The following COL4A2 variants were observed in gnomAD, a reference collection of about 807,000 sequenced individuals.
COL4A2 encodes collagen type IV alpha 2 chain, also known as collagen alpha-2(IV) chain.
COL4A2 carries 99 observed loss-of-function variants against 200.2 expected under a neutral mutation model. That is an observed-to-expected ratio of 0.49 (90% CI 0.42 to 0.58). The LOEUF (loss-of-function observed/expected upper bound fraction) is 0.58, where lower values mean the gene tolerates loss of function less well. Ranked by LOEUF, COL4A2 falls within the 20% of genes least tolerant of loss-of-function variation. COL4A2 has a pLI of 0.00. For missense variants in COL4A2, 1,950 were observed against 2,314.1 expected, an observed-to-expected ratio of 0.84 and a Z score of 3.23; for synonymous variants, 897 against 900.6, an observed-to-expected ratio of 1.00 and a Z score of 0.07.
intron 4 of COL4A2, among the ~76,000 whole-genome samples, 157 bp downstream of exon 4, chr13:110,357,709 C>T (rs950935496): frequency 2.6e-5 from 4 of 152,202 alleles, no homozygotes; most frequent in East Asian, 1.9e-4. Context: ...GCCGGGCCTA[C>T]TACACACCCG....
intron 4 of COL4A2, among the ~76,000 whole-genome samples, chr13:110,421,490 G>A (rs1302131440): frequency 6.6e-6 from 1 of 152,168 alleles, no homozygotes; most frequent in Non-Finnish European, 1.5e-5. Flanking sequence ...GTCACACATC[G>A]TATGACTGAT....
At chr13:110,491,471 C>T (rs1226796739) in intron 37 of COL4A2, 131 bp downstream of exon 37, 1 of 688,222 alleles carries the variant, frequency 1.5e-6, no homozygotes, top group Non-Finnish European at 2.6e-6. Context: ...CTGCTGCCAG[C>T]TTAGGAGCTT....
Position 110,503,461 on chromosome 13 carries a change from A to C in COL4A2, c.4118A>C (p.Lys1373Thr). The C allele has an allele frequency of 5.1e-6, 8 of 1,567,080 alleles. No individual in the cohort carries two copies. The highest frequency in any genetic ancestry group is 4.7e-5 in the South Asian group (4 of 85,856). ...AVGDRGPKGP[K>T]GDPGFPGAPG... The stretch of plus-strand genomic sequence containing the variant: ...GGCGACAGAGGCCCCAAGGGACCCA[A>C]GGGAGACCCAGGATTCCCTGGTAAG... The change falls in exon 43 of 48, where the codon AAG becomes ACG. Residue 1373 changes from lysine (K) to threonine (T), a missense_variant. This residue lies in a region of COL4A2 where 1,385 missense variants were observed against 1,720.5 expected (regional missense o/e 0.80). Transcript: ENST00000360467.
In COL4A2 at chr13:110,372,753, G is replaced by T. The variant is rs1406399622; in HGVS notation, c.180+15201G>T. Among the ~76,000 whole-genome samples the T allele has an allele frequency of 2.0e-5, 3 of 152,204 alleles. No homozygotes were observed. In the East Asian group the frequency reaches 5.8e-4, roughly 29 times the overall value. ...CAGTGAAGCAAATATTATTTTAAAAGCTTCATATGAAATAATCATTAGTAG... is the reference window on the plus strand; with the variant it reads ...CAGTGAAGCAAATATTATTTTAAAATCTTCATATGAAATAATCATTAGTAG... On this transcript the variant is annotated intron_variant, in intron 4 of 47. Coordinates refer to ENST00000360467, the MANE Select transcript of COL4A2 (RefSeq NM_001846.4).
Position 110,465,990 on chromosome 13 carries a change from G to A in COL4A2, c.1979-13G>A, listed in dbSNP as rs889848732. 1.2e-5 allele frequency: 20 copies of A among 1,613,320 alleles called. No individual in the cohort carries two copies. The highest frequency in any genetic ancestry group is 1.4e-5 in the Non-Finnish European group (17 of 1,179,404). On this transcript the variant is annotated splice_polypyrimidine_tract_variant and intron_variant, in intron 25 of 47. Coordinates refer to ENST00000360467, the MANE Select transcript of COL4A2 (RefSeq NM_001846.4). ...CAAAATTGCCTCACTCTGTCCTTAT[G>A]TCTTCCCCCCAGATTGTGACACAGA...
At chr13:110,402,442 C>T (rs1294679028) in intron 4 of COL4A2, among the ~76,000 whole-genome samples, 2 of 152,168 alleles carry the variant, frequency 1.3e-5, no homozygotes, top group Non-Finnish European at 2.9e-5. Flanking sequence ...ACTCCATATC[C>T]GCCTTCTGGA....
chr13:110,427,671 T>G (rs1384582581), intron 6 of COL4A2, among the ~76,000 whole-genome samples: 1 of 152,246 alleles, frequency 6.6e-6, no homozygotes, highest in Non-Finnish European at 1.5e-5. Flanking sequence ...TTATAGATTA[T>G]TAACCCAGCC....
At chr13:110,413,797 T>C (rs1295940987) in intron 4 of COL4A2, among the ~76,000 whole-genome samples, 1 of 152,004 alleles carries the variant, frequency 6.6e-6, no homozygotes, top group Non-Finnish European at 1.5e-5. Flanking sequence ...TGCTTGGCGG[T>C]GGTGAGCAGC....
intron 32 of COL4A2, 116 bp from the exon 33 acceptor site, chr13:110,484,789 G>T (rs1883054014): frequency 6.4e-6 from 9 of 1,408,334 alleles, no homozygotes; most frequent in Non-Finnish European, 8.5e-6. Context: ...CTCTCTCCAA[G>T]GCTTCCCTGC....
At chr13:110,341,746 T>C (rs4773159) in intron 3 of COL4A2, among the ~76,000 whole-genome samples, 141,433 of 152,252 alleles carry the variant, frequency 0.93, 66,606 homozygotes, top group Middle Eastern at 1. Flanking sequence ...AGTTTCTCCT[T>C]GTTTCCAGCT....
At chr13:110,353,881 A>G (rs947289399) in intron 3 of COL4A2, among the ~76,000 whole-genome samples, 8 of 152,236 alleles carry the variant, frequency 5.3e-5, no homozygotes, top group African/African-American at 1.9e-4. Context: ...CTTCCCTCAC[A>G]ATATAGCACT....
intron 17 of COL4A2, 57 bp downstream of exon 17, chr13:110,445,939 C>T (rs1412520744): frequency 3.1e-6 from 5 of 1,591,096 alleles, no homozygotes; most frequent in African/African-American, 2.7e-5. Flanking sequence ...CCTGGCTGGC[C>T]TTACTCCCCT....
At chr13:110,345,330 T>C (rs1355407784) in intron 3 of COL4A2, among the ~76,000 whole-genome samples, 1 of 152,186 alleles carries the variant, frequency 6.6e-6, no homozygotes, top group Non-Finnish European at 1.5e-5. Flanking sequence ...GATTAAGCAT[T>C]CCGCTGTAGT....
At position 110,473,134 on chromosome 13, in the gene COL4A2, C is replaced by G; in HGVS notation, c.2409C>G (p.Gly803=). The change falls in exon 29 of 48, where the codon GGC becomes GGG. Residue 803 remains glycine, a synonymous_variant. Transcript: ENST00000360467. Reference sequence around the variant, plus strand: ...TTAAAGGCCTTCCCGGAGACAGAGGCCCCCCTGGATTCAGAGGTGAGTGCC... The same window carrying G: ...TTAAAGGCCTTCCCGGAGACAGAGGGCCCCCTGGATTCAGAGGTGAGTGCC... ...PGLKGLPGDR[G]PPGFRGSQGM... is the part of the protein sequence containing the mutation. 2.6e-6 allele frequency: 4 copies of G among 1,556,696 alleles called. No individual in the cohort carries two copies. The highest frequency in any genetic ancestry group is 1.2e-5 in the South Asian group (1 of 84,316).
At chr13:110,441,896 A>G (rs1237324910) in intron 16 of COL4A2, among the ~76,000 whole-genome samples, 1 of 151,404 alleles carries the variant, frequency 6.6e-6, no homozygotes, top group Non-Finnish European at 1.5e-5. Context: ...CCTGGCCAAC[A>G]TGGTGAAACC....
intron 34 of COL4A2, among the ~76,000 whole-genome samples, chr13:110,486,460 C>T (rs980687382): frequency 5.3e-5 from 8 of 152,176 alleles, no homozygotes; most frequent in African/African-American, 1.9e-4. Context: ...CCCATAGATT[C>T]CGTTTCCTAG....
intron 3 of COL4A2, among the ~76,000 whole-genome samples, chr13:110,349,657 T>C (rs1876867230): frequency 6.6e-6 from 1 of 152,222 alleles, no homozygotes; most frequent in Non-Finnish European, 1.5e-5. Context: ...TCCATGACTT[T>C]TATTCTTCCA....
intron 3 of COL4A2, among the ~76,000 whole-genome samples, chr13:110,318,628 C>T (rs772244636): frequency 2.6e-5 from 4 of 152,128 alleles, no homozygotes; most frequent in African/African-American, 4.8e-5. Context: ...GATGTTGGTG[C>T]GAGTATTCAA....
Position 110,432,341 on chromosome 13 carries a change from C to G in COL4A2, c.665C>G (p.Pro222Arg). Residue 222 changes from proline to arginine, a missense_variant, in exon 11 of 48, where the codon CCT (proline) becomes CGT (arginine). Physicochemically the swap from Pro to Arg is moderately radical, Grantham distance 103. Around this residue, in one of 2 missense-constraint regions of COL4A2, gnomAD observed 565 missense variants for 593.5 expected, o/e 0.95. Transcript: ENST00000360467. The part of the protein sequence containing the change: ...APGRPGPPGP[P>R]GPKGQQGNRG... ...TTTGTACAGGGACCACCTGGACCCC[C>G]TGGACCAAAAGGACAGCAAGTAAGT... The G allele has an allele frequency of 1.2e-6, 2 of 1,610,772 alleles. No individual in the cohort carries two copies. The highest frequency in any genetic ancestry group is 8.5e-7 in the Non-Finnish European group (1 of 1,178,744).
Sources: allele counts gnomAD v4.1 joint callset (sites outside exome capture counted in the v4.1 genomes callset), GRCh38; gene constraint gnomAD v4.1.1; regional missense constraint gnomAD v4.1.1; transcripts MANE v1.5; gene names NCBI Gene and HGNC (gene_info 2026-07-23, HGNC 2026-07-21).